Variants in PLEKHA2 observed in about 807,000 individuals in gnomAD.
The protein encoded by PLEKHA2 is pleckstrin homology domain-containing family A member 2.
A neutral mutation model predicts 53.2 loss-of-function variants in PLEKHA2; 28 were observed. That is an observed-to-expected ratio of 0.53 (90% CI 0.39 to 0.72). The LOEUF (loss-of-function observed/expected upper bound fraction) is 0.72. Among genes scored for constraint, PLEKHA2 ranks in the 30% least tolerant of loss-of-function variants. The pLI is 0.00. For synonymous variants in PLEKHA2, 193 were observed against 196.4 expected (o/e 0.98, Z 0.14); for missense variants, 426 against 537.9 (o/e 0.79, Z 2.06).
chr8:38,947,867 T>TC (rs1490799657), intron 5 of PLEKHA2, among the ~76,000 whole-genome samples: 1 of 152,024 alleles, frequency 6.6e-6, no homozygotes, highest in African/African-American at 2.4e-5. Context: ...GGCGGGTGGA[T>TC]CACAAGGTCA....
At chr8:38,910,067 C>T (rs1307309388) in intron 1 of PLEKHA2, among the ~76,000 whole-genome samples, 2 of 151,872 alleles carry the variant, frequency 1.3e-5, no homozygotes, top group Admixed American at 1.3e-4. Flanking sequence ...AGTGATCCTC[C>T]TACCTCAGCC....
intron 2 of PLEKHA2, among the ~76,000 whole-genome samples, chr8:38,926,755 C>G (rs1398152737): frequency 1.3e-5 from 2 of 152,348 alleles, no homozygotes; most frequent in East Asian, 3.9e-4. Context: ...CATGGCGAAA[C>G]CCTGTCTCTA....
chr8:38,963,061 C>A (rs997790738), intron 10 of PLEKHA2, among the ~76,000 whole-genome samples: 3 of 152,112 alleles, frequency 2.0e-5, no homozygotes, highest in African/African-American at 7.2e-5. Flanking sequence ...GATATGGAAG[C>A]CTTTATGGCC....
At chr8:38,969,115 G>A (rs1835194352) in intron 11 of PLEKHA2, 2 of 375,320 alleles carry the variant, frequency 5.3e-6, no homozygotes, top group Non-Finnish European at 9.7e-6. Context: ...TGGCTAGGCT[G>A]ATCTCAAACT....
intron 2 of PLEKHA2, among the ~76,000 whole-genome samples, chr8:38,926,630 TA>T (rs901571972): frequency 1.3e-5 from 2 of 152,156 alleles, no homozygotes; most frequent in East Asian, 1.9e-4. Flanking sequence ...TTGTCTAAAT[TA>T]AAAAAAATTA....
chr8:38,962,163 A>T (rs1330440391), intron 10 of PLEKHA2, among the ~76,000 whole-genome samples: 1 of 152,212 alleles, frequency 6.6e-6, no homozygotes, highest in African/African-American at 2.4e-5. Flanking sequence ...CAGGTGCTGG[A>T]GCAAGATTTG....
chr8:38,945,215 T>A (rs1834689351), intron 4 of PLEKHA2, among the ~76,000 whole-genome samples: 1 of 152,250 alleles, frequency 6.6e-6, no homozygotes, highest in Non-Finnish European at 1.5e-5. Flanking sequence ...TTCTGTTGCC[T>A]ATCTGGGGTG....
At chr8:38,921,364 G>A (rs1253340060) in intron 2 of PLEKHA2, among the ~76,000 whole-genome samples, 1 of 152,206 alleles carries the variant, frequency 6.6e-6, no homozygotes, top group Non-Finnish European at 1.5e-5. Context: ...TGACTTGCTT[G>A]GGGAATCCTG....
In PLEKHA2 at chr8:38,918,679, C is replaced by A. The variant is rs548091035; in HGVS notation, c.141+609C>A. ...TACACACACCCCCATACACACACAC[C>A]CCCACGCACACCACACACACCACAC... On this transcript the variant is annotated intron_variant, in intron 2 of 11. Transcript: ENST00000617275. Among the ~76,000 whole-genome samples, 144 of 147,848 alleles carry A rather than the reference C, an allele frequency of 9.7e-4. 2 individuals are homozygous for A. The East Asian group carries it at 0.024, about 24-fold the overall frequency.
chr8:38,949,192 G>A (rs886688131), intron 5 of PLEKHA2, among the ~76,000 whole-genome samples: 1 of 151,776 alleles, frequency 6.6e-6, no homozygotes, highest in South Asian at 2.1e-4. Context: ...GTTAATCCTG[G>A]CTTTGGGTAA....
chr8:38,931,382 G>A (rs148955503), intron 2 of PLEKHA2, among the ~76,000 whole-genome samples: 13 of 152,266 alleles, frequency 8.5e-5, no homozygotes, highest in Non-Finnish European at 1.8e-4. Flanking sequence ...CTGCTCAGAC[G>A]CCTTCATCTT....
At chr8:38,956,049 G>C (rs1282485281) in intron 9 of PLEKHA2, among the ~76,000 whole-genome samples, 1 of 152,136 alleles carries the variant, frequency 6.6e-6, no homozygotes, top group Non-Finnish European at 1.5e-5. Flanking sequence ...CAAGTGATTT[G>C]CCTGCCTTGG....
intron 2 of PLEKHA2, among the ~76,000 whole-genome samples, chr8:38,924,547 G>A (rs2129416894): frequency 6.6e-6 from 1 of 152,332 alleles, no homozygotes; most frequent in East Asian, 1.9e-4. Context: ...TCATGCCTCA[G>A]CCTTGTCTCA....
At chr8:38,950,594 C>G in intron 5 of PLEKHA2, 1 of 354,824 alleles carries the variant, frequency 2.8e-6, no homozygotes, top group Non-Finnish European at 5.1e-6. Context: ...TCTTTGGTTT[C>G]TAGCCAGGGA....
chr8:38,909,633 G>A (rs1003942963), intron 1 of PLEKHA2, among the ~76,000 whole-genome samples: 3 of 152,164 alleles, frequency 2.0e-5, no homozygotes, highest in African/African-American at 7.2e-5. Context: ...ATGGGAATGG[G>A]CAGTAGAGAG....
chr8:38,960,968 G>C (rs966696885), intron 10 of PLEKHA2: 2 of 152,120 alleles, frequency 1.3e-5, no homozygotes, highest in Non-Finnish European at 2.9e-5. Flanking sequence ...GGAAAACAAT[G>C]GTCTCACTGA....
At chr8:38,936,610 C>T (rs1834499086) in intron 3 of PLEKHA2, among the ~76,000 whole-genome samples, 1 of 152,232 alleles carries the variant, frequency 6.6e-6, no homozygotes, top group Admixed American at 6.5e-5. Flanking sequence ...CAGGTGGCTG[C>T]GAGGCCACCC....
At chr8:38,901,959 A>G (rs1300833477) in intron 1 of PLEKHA2, 2 of 152,176 alleles carry the variant, frequency 1.3e-5, no homozygotes, top group East Asian at 1.9e-4. Context: ...ACCTTATTAA[A>G]TGACAGGCCT....
chr8:38,918,159 C>A, intron 2 of PLEKHA2, 89 bp downstream of exon 2: 1 of 1,476,574 alleles, frequency 6.8e-7, no homozygotes, highest in Non-Finnish European at 9.1e-7. Context: ...CAGGCCTAGG[C>A]TCGTGAGCAA....
Sources: gnomAD v4.1 joint callset for allele counts (sites outside exome capture counted in the v4.1 genomes callset) on GRCh38, gnomAD v4.1.1 for gene constraint, MANE v1.5 for transcripts, NCBI Gene and HGNC (gene_info 2026-07-23, HGNC 2026-07-21) for gene names.